SUDS3: variants seen among roughly 807,000 people sequenced by gnomAD.
SUDS3 encodes SIN3A corepressor complex component SDS3, also known as sin3 histone deacetylase corepressor complex component SDS3.
Under a neutral mutation model 53.5 loss-of-function variants are expected in SUDS3, and 23 were observed. The observed-to-expected ratio is 0.43, with a 90% confidence interval of 0.31 to 0.61. SUDS3 has a LOEUF of 0.61. Among genes scored for constraint, SUDS3 ranks in the 20% least tolerant of loss-of-function variants. The pLI is 0.10. For synonymous variants in SUDS3, 150 were observed against 148.5 expected (o/e 1.01, Z -0.08); for missense variants, 291 against 405.9 (o/e 0.72, Z 2.43).
chr12:118,402,160 T>C (rs910689456), intron 9 of SUDS3, 156 bp downstream of exon 9: 7 of 700,468 alleles, frequency 1.0e-5, no homozygotes, highest in Non-Finnish European at 1.5e-5. Flanking sequence ...GGACCTTAAC[T>C]ATACCCCTCC....
At chr12:118,391,421 C>T in intron 6 of SUDS3, 139 bp downstream of exon 6, 2 of 948,042 alleles carry the variant, frequency 2.1e-6, no homozygotes, top group Middle Eastern at 3.0e-4. Context: ...CAGAGTTCCT[C>T]CTCCACCTTC....
chr12:118,400,594 T>C lies in SUDS3; in HGVS notation c.518-65T>C, dbSNP rs2046255219. 8 of 1,480,666 alleles carry C rather than the reference T, an allele frequency of 5.4e-6. No individual in the cohort carries two copies. The South Asian group carries it at 5.7e-5, about 10-fold the overall frequency. The allele number at this position is 1,480,666 out of a possible 1,614,324, so 91.7% of individuals were successfully genotyped here. On this transcript the variant is annotated intron_variant, in intron 6 of 11. Transcript: ENST00000543473. Reference sequence around the variant, plus strand: ...GGCTGGGGGGCAGATATTCTTATACTATAGAAATTCTTACTGACTTCAAGT... The same window carrying C: ...GGCTGGGGGGCAGATATTCTTATACCATAGAAATTCTTACTGACTTCAAGT...
chr12:118,386,444 A>G (rs936859899), intron 4 of SUDS3, among the ~76,000 whole-genome samples: 3 of 152,184 alleles, frequency 2.0e-5, no homozygotes, highest in Admixed American at 2.0e-4. Context: ...TGGTACCCCA[A>G]GAGTAGTCTT....
chr12:118,410,577 TTA>T (rs2046349515), intron 10 of SUDS3, among the ~76,000 whole-genome samples: 1 of 132,264 alleles, frequency 7.6e-6, no homozygotes, highest in South Asian at 2.4e-4. Flanking sequence ...ATTTATTTAT[TTA>T]TTTTATTTAT....
chr12:118,386,063 A>G, intron 3 of SUDS3, 51 bp from the exon 4 acceptor site: 1 of 1,403,056 alleles, frequency 7.1e-7, no homozygotes, highest in Non-Finnish European at 9.9e-7. Context: ...AGCAAAATGT[A>G]GAGCAGATTT....
intron 2 of SUDS3, among the ~76,000 whole-genome samples, chr12:118,382,922 C>T (rs545161322): frequency 6.2e-4 from 95 of 152,258 alleles, no homozygotes; most frequent in African/African-American, 2.2e-3. Flanking sequence ...CCCGCCTCGG[C>T]CTCCTAAAGT....
chr12:118,378,697 T>C (rs889360087), intron 1 of SUDS3, among the ~76,000 whole-genome samples: 1 of 151,972 alleles, frequency 6.6e-6, no homozygotes, highest in Non-Finnish European at 1.5e-5. Flanking sequence ...TTTTTTGAGA[T>C]GGAGTTTCAC....
At chr12:118,406,482 A>C (rs2046309395) in intron 10 of SUDS3, among the ~76,000 whole-genome samples, 1 of 152,154 alleles carries the variant, frequency 6.6e-6, no homozygotes, top group African/African-American at 2.4e-5. Context: ...CTTCTTAAGA[A>C]ATTGCTTTTC....
chr12:118,405,686 G>A (rs1207514331), intron 10 of SUDS3, among the ~76,000 whole-genome samples: 1 of 152,116 alleles, frequency 6.6e-6, no homozygotes, highest in Non-Finnish European at 1.5e-5. Context: ...TAATGCAGTT[G>A]TTGAAGGTGG....
At chr12:118,376,962 T>G in intron 1 of SUDS3, 129 bp downstream of exon 1, 1 of 1,222,128 alleles carries the variant, frequency 8.2e-7, no homozygotes, top group Non-Finnish European at 1.1e-6. Context: ...CGCCGGGAGT[T>G]GCGGGGCTCG....
At chr12:118,380,644 C>A (rs1310460554) in intron 2 of SUDS3, among the ~76,000 whole-genome samples, 1 of 152,170 alleles carries the variant, frequency 6.6e-6, no homozygotes, top group Non-Finnish European at 1.5e-5. Flanking sequence ...TAGAAAGAAT[C>A]TTGAGGGCAA....
At chr12:118,381,426 A>T (rs2046058390) in intron 2 of SUDS3, among the ~76,000 whole-genome samples, 1 of 151,742 alleles carries the variant, frequency 6.6e-6, no homozygotes, top group South Asian at 2.1e-4. Flanking sequence ...TTTGTTGCCC[A>T]GGCTGGAGTG....
chr12:118,393,092 G>T (rs1255706670), intron 6 of SUDS3, among the ~76,000 whole-genome samples: 1 of 152,224 alleles, frequency 6.6e-6, no homozygotes, highest in African/African-American at 2.4e-5. Context: ...GGTATGGAAA[G>T]CACTGCCAAG....
At chr12:118,377,341 T>C (rs1418751748) in intron 1 of SUDS3, among the ~76,000 whole-genome samples, 1 of 152,136 alleles carries the variant, frequency 6.6e-6, no homozygotes, top group African/African-American at 2.4e-5. Flanking sequence ...CTTTGTCACT[T>C]AACTCAGCTT....
In SUDS3 at chr12:118,417,337, A is replaced by G. The variant is rs2046410104; in HGVS notation, c.*2904A>G. On this transcript the variant is annotated 3_prime_UTR_variant, in exon 12 of 12. Transcript: ENST00000543473. ...GGACTGGGTGACTTTTCTAAGAAAT[A>G]TGGGGTTTAGAATGGGGTTGACTGT... is the stretch of plus-strand genomic sequence containing the variant. The G allele has an allele frequency of 6.6e-6, 1 of 152,174 alleles. No homozygotes were observed. Among genetic ancestry groups the G allele is most frequent in the South Asian group, 2.1e-4 (1 of 4,828 alleles). The allele number at this position is 152,174 out of a possible 1,614,324, so 9.4% of individuals were successfully genotyped here.
chr12:118,377,102 G>T (rs995331243), intron 1 of SUDS3, among the ~76,000 whole-genome samples: 1 of 152,074 alleles, frequency 6.6e-6, no homozygotes, highest in African/African-American at 2.4e-5. Flanking sequence ...CTCCCTCCCA[G>T]CCGTTTCTGA....
chr12:118,389,903 A>G, intron 4 of SUDS3, 24 bp from the exon 5 acceptor site: 1 of 1,613,978 alleles, frequency 6.2e-7, no homozygotes, highest in Non-Finnish European at 8.5e-7. Flanking sequence ...TAGCAAATCT[A>G]ATTGCACTTT....
rs1257894634 is a variant in SUDS3, at chr12:118,389,931, C to T, written c.345C>T (p.Leu115=). 1 of 1,613,952 alleles carries T rather than the reference C, an allele frequency of 6.2e-7. No homozygotes were observed. The highest frequency in any genetic ancestry group is 2.2e-5 in the East Asian group (1 of 44,902). Residue 115 remains leucine (L), a synonymous_variant, in exon 5 of 12, where the codon CTC becomes CTT. Coordinates refer to ENST00000543473, the MANE Select transcript of SUDS3 (RefSeq NM_022491.3). ...QYKERIRNAE[L]FLQLETEQVE... ...TGCACTTTTTATCTCTTGCAGAACT[C>T]TTCCTCCAGCTGGAAGTAAGTACCA...
chr12:118,398,959 C>A (rs1313239506), intron 6 of SUDS3, among the ~76,000 whole-genome samples: 1 of 152,090 alleles, frequency 6.6e-6, no homozygotes, highest in African/African-American at 2.4e-5. Context: ...CCTTTGAAAC[C>A]TGTTACAGAA....
Sources: allele counts gnomAD v4.1 joint callset (sites outside exome capture counted in the v4.1 genomes callset), GRCh38; gene constraint gnomAD v4.1.1; transcripts MANE v1.5; gene names NCBI Gene and HGNC (gene_info 2026-07-23, HGNC 2026-07-21).